The following DGKB variants were observed in gnomAD, a reference collection of about 807,000 sequenced individuals.
The protein encoded by DGKB is 90 kDa diacylglycerol kinase.
DGKB carries 67 observed loss-of-function variants against 114.3 expected under a neutral mutation model. The ratio of observed to expected loss-of-function variants is 0.59; its 90% CI spans 0.48 to 0.72. DGKB has a LOEUF of 0.72. Among genes scored for constraint, DGKB ranks in the 30% least tolerant of loss-of-function variants. DGKB has a pLI of 0.00. For missense variants in DGKB, 907 were observed against 975.2 expected (o/e 0.93, Z 0.93); for synonymous variants, 398 against 323.1 (o/e 1.23, Z -2.49).
At position 14,148,062 on chromosome 7, in the gene DGKB, A is replaced by G. The variant is rs995793965; in HGVS notation, c.*1069T>C. 1 of 152,166 alleles carries G rather than the reference A, an allele frequency of 6.6e-6. No individual in the cohort carries two copies. The highest frequency in any genetic ancestry group is 2.4e-5 in the African/African-American group (1 of 41,456). The allele number at this position is 152,166 out of a possible 1,614,324, so 9.4% of individuals were successfully genotyped here. A position where few individuals can be genotyped will look rare whatever the true frequency, so the allele number is the denominator to read the frequency against. On this transcript the variant is annotated 3_prime_UTR_variant, in exon 26 of 26. Coordinates refer to ENST00000402815, the MANE Select transcript of DGKB (RefSeq NM_001350709.2). ...CATTTACTTCCTTCAAGTGTACTTA[A>G]CTGATCCATGAAAAATTACACCTAT...
chr7:14,398,360 T>C (rs987195092), intron 21 of DGKB, among the ~76,000 whole-genome samples: 27 of 152,018 alleles, frequency 1.8e-4, no homozygotes, highest in Non-Finnish European at 3.2e-4. Flanking sequence ...CACTTTATAA[T>C]GAACATCAGT....
At chr7:14,907,030 T>C (rs986235163), upstream of DGKB, among the ~76,000 whole-genome samples, 3 of 152,232 alleles carry the variant, frequency 2.0e-5, no homozygotes, top group Non-Finnish European at 4.4e-5. Context: ...GCTTTAATCA[T>C]GAGAGGATAG....
chr7:14,519,290 A>AT lies in DGKB; in HGVS notation c.1771-41066dup, dbSNP rs1018961814. Among the ~76,000 whole-genome samples the AT allele has an allele frequency of 2.6e-5, 4 of 151,972 alleles. No homozygotes were observed. The South Asian group carries it at 6.2e-4, about 24-fold the overall frequency. ...CAGCCTCAGGCAACCTCTGATATAA[A>AT]TTTTTTTCTGTATAAATGGGTTTGT... On this transcript the variant is annotated intron_variant, in intron 20 of 25. Transcript: ENST00000402815.
At chr7:14,208,796 A>C (rs1348879822) in intron 23 of DGKB, among the ~76,000 whole-genome samples, 1 of 151,896 alleles carries the variant, frequency 6.6e-6, no homozygotes, top group African/African-American at 2.4e-5. Context: ...CACTGAAAAC[A>C]CAGCTAGTGT....
intron 20 of DGKB, among the ~76,000 whole-genome samples, chr7:14,516,415 T>G (rs1049709889): frequency 2.6e-5 from 4 of 152,190 alleles, no homozygotes; most frequent in Non-Finnish European, 5.9e-5. Flanking sequence ...CCAAAATCTG[T>G]AATTTGCATT....
intron 6 of DGKB, among the ~76,000 whole-genome samples, chr7:14,704,162 G>A (rs190680989): frequency 1.3e-5 from 2 of 151,876 alleles, no homozygotes; most frequent in Admixed American, 6.6e-5. Context: ...CCGGCCGGGC[G>A]CGGTGGCTTA....
intron 21 of DGKB, among the ~76,000 whole-genome samples, chr7:14,460,306 A>G (rs538893841): frequency 4.7e-4 from 71 of 152,282 alleles, no homozygotes; most frequent in African/African-American, 1.5e-3. Context: ...AGGCTGGCAA[A>G]TTGGATAAAG....
intron 20 of DGKB, among the ~76,000 whole-genome samples, chr7:14,510,141 G>A (rs1181214951): frequency 6.6e-6 from 1 of 152,150 alleles, no homozygotes; most frequent in Non-Finnish European, 1.5e-5. Flanking sequence ...GCTGAAGGCT[G>A]GGGTGGCTGT....
At chr7:14,223,333 T>G (rs1790286565) in intron 23 of DGKB, among the ~76,000 whole-genome samples, 1 of 151,742 alleles carries the variant, frequency 6.6e-6, no homozygotes, top group Non-Finnish European at 1.5e-5. Context: ...ATCTACATCT[T>G]ATCAGAATCA....
intron 23 of DGKB, among the ~76,000 whole-genome samples, chr7:14,272,350 G>A (rs918105248): frequency 3.3e-5 from 5 of 152,078 alleles, no homozygotes; most frequent in African/African-American, 1.2e-4. Flanking sequence ...ACAAATGCCA[G>A]GCATCATTAT....
chr7:14,276,970 A>C (rs1481487360), intron 23 of DGKB, among the ~76,000 whole-genome samples: 1 of 152,066 alleles, frequency 6.6e-6, no homozygotes, highest in Non-Finnish European at 1.5e-5. Context: ...GCTAGTTAAC[A>C]TATCTTTTTT....
intron 20 of DGKB, among the ~76,000 whole-genome samples, chr7:14,509,383 C>T (rs1290751703): frequency 1.3e-5 from 2 of 152,074 alleles, no homozygotes; most frequent in Non-Finnish European, 2.9e-5. Context: ...AACCACTCAG[C>T]GGCATGCCAC....
intron 13 of DGKB, among the ~76,000 whole-genome samples, chr7:14,646,708 C>T (rs983973440): frequency 6.6e-6 from 1 of 151,792 alleles, no homozygotes; most frequent in African/African-American, 2.4e-5. Flanking sequence ...TGTACAAATA[C>T]ATGGAAATTA....
At chr7:14,865,774 C>G (rs959489986) in intron 1 of DGKB, among the ~76,000 whole-genome samples, 2 of 151,818 alleles carry the variant, frequency 1.3e-5, no homozygotes, top group Non-Finnish European at 2.9e-5. Flanking sequence ...ATAATTACTC[C>G]GAAAGCACGT....
At chr7:14,417,562 G>T (rs1470275850) in intron 21 of DGKB, among the ~76,000 whole-genome samples, 1 of 151,904 alleles carries the variant, frequency 6.6e-6, no homozygotes, top group Non-Finnish European at 1.5e-5. Context: ...TTTGATAAAT[G>T]ACATTTAAAA....
At chr7:14,625,918 G>C (rs1808486192) in intron 14 of DGKB, among the ~76,000 whole-genome samples, 1 of 152,062 alleles carries the variant, frequency 6.6e-6, no homozygotes. Context: ...TCAGTGTTTT[G>C]TGATCCGTAG....
At chr7:14,920,048 A>C (rs1204115914) in intron 1 of DGKB, among the ~76,000 whole-genome samples, 1 of 152,208 alleles carries the variant, frequency 6.6e-6, no homozygotes. Flanking sequence ...CAAACTAATG[A>C]ATACAAACAT....
chr7:14,667,349 G>A (rs1378222002), intron 13 of DGKB, among the ~76,000 whole-genome samples: 2 of 151,912 alleles, frequency 1.3e-5, no homozygotes, highest in East Asian at 1.9e-4. Flanking sequence ...AAGGATCCAC[G>A]CTGTATTTAT....
intron 23 of DGKB, among the ~76,000 whole-genome samples, chr7:14,337,895 A>G (rs1489126669): frequency 6.6e-6 from 1 of 152,148 alleles, no homozygotes. Flanking sequence ...AATGAGAACT[A>G]TATTACAATA....
Sources: gnomAD v4.1 joint callset for allele counts (sites outside exome capture counted in the v4.1 genomes callset) on GRCh38, gnomAD v4.1.1 for gene constraint, MANE v1.5 for transcripts, NCBI Gene and HGNC (gene_info 2026-07-23, HGNC 2026-07-21) for gene names.